The following PTCSC3 variants were observed in gnomAD, a reference collection of about 807,000 sequenced individuals.
PTCSC3 encodes papillary thyroid carcinoma susceptibility candidate 3, also known as papillary thyroid carcinoma susceptibility candidate 3 (non-protein coding).
At chr14:36,160,864 C>T (rs1162314804) in intron 2 of PTCSC3, among the ~76,000 whole-genome samples, 1 of 152,166 alleles carries the variant, frequency 6.6e-6, no homozygotes, top group Non-Finnish European at 1.5e-5. Context: ...GTATGCCAAT[C>T]AGACATAGAT....
intron 2 of PTCSC3, among the ~76,000 whole-genome samples, chr14:36,156,213 GGTT>G (rs1309646579): frequency 4.6e-5 from 7 of 152,146 alleles, no homozygotes; most frequent in African/African-American, 1.7e-4. Flanking sequence ...TACCTTTGGT[GGTT>G]GTTTTATGTT....
At chr14:36,147,480 C>T (rs544720192) in intron 3 of PTCSC3, among the ~76,000 whole-genome samples, 46 of 152,328 alleles carry the variant, frequency 3.0e-4, no homozygotes, top group Middle Eastern at 6.8e-3. Context: ...CTGCATTCTT[C>T]ACGTTGTTCT....
downstream of PTCSC3, among the ~76,000 whole-genome samples, chr14:36,135,588 G>A (rs1881267420): frequency 6.6e-6 from 1 of 152,182 alleles, no homozygotes; most frequent in South Asian, 2.1e-4. Flanking sequence ...GAACCACAGA[G>A]GCACTGACTT....
intron 3 of PTCSC3, among the ~76,000 whole-genome samples, chr14:36,141,093 A>G (rs1881409459): frequency 6.6e-6 from 1 of 152,154 alleles, no homozygotes; most frequent in South Asian, 2.1e-4. Context: ...GTGTAAATCA[A>G]TTTGTCTATT....
downstream of PTCSC3, among the ~76,000 whole-genome samples, chr14:36,135,671 T>C (rs781751906): frequency 1.3e-5 from 2 of 152,184 alleles, no homozygotes; most frequent in Non-Finnish European, 2.9e-5. Flanking sequence ...ATGAAGGTGG[T>C]GCTGATAATG....
chr14:36,155,443 C>T lies in PTCSC3; in HGVS notation n.232-1549G>A, dbSNP rs146479355. ...CAAGTGGTTCTTTAATGCATACACT[C>T]TTTATTTTGTATTTATTAGAGTATA... On this transcript the variant is annotated intron_variant and non_coding_transcript_variant, in intron 2 of 3. Coordinates refer to ENST00000556013, the Ensembl canonical transcript of PTCSC3. Among the ~76,000 whole-genome samples, 5 of 152,084 alleles carry T rather than the reference C, an allele frequency of 3.3e-5. No individual in the cohort carries two copies. In the East Asian group the frequency reaches 9.6e-4, roughly 29 times the overall value.
chr14:36,139,173 A>G (rs1282143446), intron 3 of PTCSC3, among the ~76,000 whole-genome samples: 3 of 151,740 alleles, frequency 2.0e-5, no homozygotes, highest in East Asian at 3.9e-4. Flanking sequence ...AAGACTGCAC[A>G]TGGATGAACA....
At chr14:36,140,633 T>C (rs1027047816) in intron 3 of PTCSC3, among the ~76,000 whole-genome samples, 1 of 152,248 alleles carries the variant, frequency 6.6e-6, no homozygotes, top group African/African-American at 2.4e-5. Context: ...TATATCTTCT[T>C]TGATGAAGTG....
exon 4 of PTCSC3, chr14:36,136,254 C>T (rs913394834): frequency 4.6e-5 from 7 of 152,462 alleles, no homozygotes; most frequent in African/African-American, 1.7e-4. Flanking sequence ...TGGCAACACC[C>T]TCACAGACAC....
At chr14:36,148,108 G>A (rs1486513673) in intron 3 of PTCSC3, among the ~76,000 whole-genome samples, 2 of 152,096 alleles carry the variant, frequency 1.3e-5, no homozygotes, top group African/African-American at 4.8e-5. Flanking sequence ...AGTTACTGCT[G>A]TCTTTTTGTT....
At chr14:36,146,283 A>T (rs959538553) in intron 3 of PTCSC3, among the ~76,000 whole-genome samples, 1 of 147,838 alleles carries the variant, frequency 6.8e-6, no homozygotes, top group Admixed American at 6.7e-5. Flanking sequence ...CCCATTATTA[A>T]TGTGTGGGAG....
chr14:36,175,009 G>A (rs991284898), intron 1 of PTCSC3, among the ~76,000 whole-genome samples: 2 of 152,072 alleles, frequency 1.3e-5, no homozygotes, highest in African/African-American at 2.4e-5. Context: ...AGCTCGGGTC[G>A]CCTCACACTG....
intron 3 of PTCSC3, among the ~76,000 whole-genome samples, chr14:36,139,899 A>C (rs1881379566): frequency 6.6e-6 from 1 of 152,202 alleles, no homozygotes. Context: ...GTGGGTTTTG[A>C]CAAATGCATA....
intron 3 of PTCSC3, among the ~76,000 whole-genome samples, chr14:36,145,337 A>C (rs2139091918): frequency 6.6e-6 from 1 of 151,452 alleles, no homozygotes; most frequent in East Asian, 1.9e-4. Context: ...CCAATTTCAG[A>C]TCCTGTTATT....
At chr14:36,147,971 G>C (rs191244322) in intron 3 of PTCSC3, among the ~76,000 whole-genome samples, 55 of 152,296 alleles carry the variant, frequency 3.6e-4, no homozygotes, top group African/African-American at 1.2e-3. Flanking sequence ...CAGTTAGACT[G>C]CTCGGGGGTC....
chr14:36,159,910 G>A (rs1458051708), intron 2 of PTCSC3, among the ~76,000 whole-genome samples: 1 of 152,156 alleles, frequency 6.6e-6, no homozygotes, highest in African/African-American at 2.4e-5. Flanking sequence ...GGGTGCTTCT[G>A]TACTGGGTGC....
intron 1 of PTCSC3, among the ~76,000 whole-genome samples, chr14:36,166,736 G>T (rs140888924): frequency 6.6e-6 from 1 of 152,254 alleles, no homozygotes; most frequent in Non-Finnish European, 1.5e-5. Flanking sequence ...TATAGATCTT[G>T]CCTAATAGTG....
At chr14:36,145,831 GAATGCGTCCCAGAGATTCTGGT>G (rs1262143477) in intron 3 of PTCSC3, among the ~76,000 whole-genome samples, 8 of 149,312 alleles carry the variant, frequency 5.4e-5, no homozygotes, top group Middle Eastern at 3.5e-3. Context: ...ACACTGCTTT[GAATGCGTCCCAGAGATTCTGGT>G]ATGTTGTGTC....
intron 1 of PTCSC3, among the ~76,000 whole-genome samples, chr14:36,171,723 A>C (rs1882197313): frequency 1.3e-5 from 2 of 152,184 alleles, no homozygotes; most frequent in Admixed American, 6.6e-5. Flanking sequence ...ATTCCTCGAC[A>C]AGAAGCTTGT....
Sources: gnomAD v4.1 joint callset for allele counts (sites outside exome capture counted in the v4.1 genomes callset) on GRCh38, gnomAD v4.1.1 for gene constraint, MANE v1.5 for transcripts, NCBI Gene and HGNC (gene_info 2026-07-23, HGNC 2026-07-21) for gene names.